The following RHEBL1 variants were observed in gnomAD, a reference collection of about 807,000 sequenced individuals.
RHEBL1 encodes the protein RHEB like 1.
Under a neutral mutation model 27.4 loss-of-function variants are expected in RHEBL1, and 22 were observed. The ratio of observed to expected loss-of-function variants is 0.80; its 90% confidence interval spans 0.57 to 1.15. RHEBL1 has a LOEUF of 1.15. RHEBL1 is among the 50% of genes most tolerant of loss of function. The pLI is 0.00. For missense variants in RHEBL1, 186 were observed against 226.5 expected (o/e 0.82, Z 1.15); for synonymous variants, 85 against 80.8 (o/e 1.05, Z -0.28).
In RHEBL1 at chr12:49,066,468, C is replaced by A. The variant is rs536373755; in HGVS notation, c.332+8G>T. On this transcript the variant is annotated splice_region_variant and intron_variant, in intron 5 of 7. Transcript: ENST00000301068. ...CACACTATGTCCCTATCCCCCAGGG[C>A]CACTTACCGGGTTTTCCCATGGCCT... 7.6e-5 allele frequency: 122 copies of A among 1,613,832 alleles called. No homozygotes were observed. In the South Asian group the frequency reaches 1.3e-3, roughly 17 times the overall value.
Position 49,069,118 on chromosome 12 carries a change from A to G in RHEBL1, c.53-12T>C. On this transcript the variant is annotated splice_polypyrimidine_tract_variant and intron_variant, in intron 1 of 7. Coordinates refer to ENST00000301068, the MANE Select transcript of RHEBL1 (RefSeq NM_144593.3). ...CAAAGATGTCTTCCCTGTGGGGAGCAGTGTGACAGTTGTATCCAAATCATC... is the reference window on the plus strand; with the variant it reads ...CAAAGATGTCTTCCCTGTGGGGAGCGGTGTGACAGTTGTATCCAAATCATC... The G allele has an allele frequency of 1.2e-6, 2 of 1,614,130 alleles. No homozygotes were observed. The highest frequency in any genetic ancestry group is 2.2e-5 in the East Asian group (1 of 44,884).
chr12:49,069,741 G>C lies in RHEBL1; in HGVS notation c.45C>G (p.Arg15=), dbSNP rs1254762185. The change falls in exon 1 of 8, where the codon CGC becomes CGG. Residue 15 remains arginine (R), a synonymous_variant. Coordinates refer to ENST00000301068, the MANE Select transcript of RHEBL1 (RefSeq NM_144593.3). ...TGCAGGGCGGAGACTCACCTACACAGCGGTATCCGAGGATGACCACCTTCC... is the reference window on the plus strand; with the variant it reads ...TGCAGGGCGGAGACTCACCTACACACCGGTATCCGAGGATGACCACCTTCC... The part of the protein sequence containing the change: ...RYRKVVILGY[R]CVGKTSLAHQ... 6.2e-7 allele frequency: 1 copy of C among 1,613,632 alleles called. No individual in the cohort carries two copies. Among genetic ancestry groups the C allele is most frequent in the African/African-American group, 1.3e-5 (1 of 74,886 alleles).
At chr12:49,065,795 C>G (rs557083122) in intron 6 of RHEBL1, among the ~76,000 whole-genome samples, 9 of 151,906 alleles carry the variant, frequency 5.9e-5, no homozygotes, top group Admixed American at 1.3e-4. Flanking sequence ...CGTGGTGGCA[C>G]GCGCCTGTAG....
At chr12:49,067,455 C>CTT (rs76065035) in intron 2 of RHEBL1, among the ~76,000 whole-genome samples, 4 of 138,796 alleles carry the variant, frequency 2.9e-5, no homozygotes, top group Admixed American at 7.3e-5. Context: ...GTCTCCTTAC[C>CTT]TTTTTTTTTT....
intron 6 of RHEBL1, 30 bp downstream of exon 6, chr12:49,066,200 CT>C: frequency 6.3e-7 from 1 of 1,598,242 alleles, no homozygotes; most frequent in Non-Finnish European, 8.6e-7. Flanking sequence ...ATTTCACTTC[CT>C]TTTGCTCTGA....
At position 49,066,720 on chromosome 12, in the gene RHEBL1, C is replaced by T. The variant is rs1939003322; in HGVS notation, c.193-19G>A. On this transcript the variant is annotated intron_variant, in intron 3 of 7. Transcript: ENST00000301068. ...ACTCATCCTGGCAAGAAATGGGAAACATCAGTACCTAGATCCAAACCACTA... is the reference window on the plus strand; with the variant it reads ...ACTCATCCTGGCAAGAAATGGGAAATATCAGTACCTAGATCCAAACCACTA... The T allele has an allele frequency of 1.9e-6, 3 of 1,606,466 alleles. No homozygotes were observed. Among genetic ancestry groups the T allele is most frequent in the Non-Finnish European group, 2.6e-6 (3 of 1,173,070 alleles).
chr12:49,068,648 T>C (rs1394590125), intron 2 of RHEBL1, among the ~76,000 whole-genome samples: 6 of 151,442 alleles, frequency 4.0e-5, no homozygotes, highest in Non-Finnish European at 8.8e-5. Context: ...GTTGGCCAGG[T>C]TGGTCTCGAA....
Position 49,066,458 on chromosome 12 carries a change from T to C in RHEBL1, c.332+18A>G. 1 of 1,611,476 alleles carries C rather than the reference T, an allele frequency of 6.2e-7. No individual in the cohort carries two copies. Among genetic ancestry groups the C allele is most frequent in the Non-Finnish European group, 8.5e-7 (1 of 1,177,664 alleles). On this transcript the variant is annotated intron_variant, in intron 5 of 7. Coordinates refer to ENST00000301068, the MANE Select transcript of RHEBL1 (RefSeq NM_144593.3). ...CCCTCATGCCCACACTATGTCCCTA[T>C]CCCCCAGGGCCACTTACCGGGTTTT... is the stretch of plus-strand genomic sequence containing the variant.
intron 2 of RHEBL1, among the ~76,000 whole-genome samples, chr12:49,067,256 C>T (rs2120759590): frequency 6.6e-6 from 1 of 152,016 alleles, no homozygotes; most frequent in East Asian, 1.9e-4. Flanking sequence ...GGACCTGCCA[C>T]CATGCCCGGC....
intron 2 of RHEBL1, among the ~76,000 whole-genome samples, chr12:49,068,459 A>G (rs766678266): frequency 2.9e-5 from 3 of 103,100 alleles, no homozygotes; most frequent in Admixed American, 1.2e-4. Context: ...TTTTTTTGAG[A>G]CAGTCTCACC....
In RHEBL1 at chr12:49,066,224, T is replaced by TAA; in HGVS notation, c.380+6_380+7insTT. ...CCTTTTGCTCTGAGTAGCAGAGATTTACATACCTCTCTGGAGAGAGATCTG... is the reference window on the plus strand; with the variant it reads ...CCTTTTGCTCTGAGTAGCAGAGATTTAAACATACCTCTCTGGAGAGAGATCTG... On this transcript the variant is annotated splice_region_variant and intron_variant, in intron 6 of 7. Transcript: ENST00000301068. The TAA allele has an allele frequency of 6.2e-7, 1 of 1,612,772 alleles. No individual in the cohort carries two copies.
chr12:49,069,139 TCATC>T, intron 1 of RHEBL1, 33 bp from the exon 2 acceptor site: 1 of 1,614,032 alleles, frequency 6.2e-7, no homozygotes, highest in Non-Finnish European at 8.5e-7. Flanking sequence ...TGTATCCAAA[TCATC>T]CATCCACATT....
intron 3 of RHEBL1, 78 bp downstream of exon 3, chr12:49,066,890 G>A (rs191114613): frequency 1.2e-5 from 15 of 1,254,224 alleles, no homozygotes; most frequent in Admixed American, 6.8e-5. Context: ...ACTACTTTAC[G>A]GATGAGCCAC....
intron 3 of RHEBL1, 86 bp from the exon 4 acceptor site, chr12:49,066,787 C>A: frequency 7.8e-7 from 1 of 1,278,170 alleles, no homozygotes; most frequent in Non-Finnish European, 1.1e-6. Context: ...GTGACCCTCC[C>A]TGGGGCACGC....
At position 49,069,817 on chromosome 12, in the gene RHEBL1, T is replaced by G; in HGVS notation, c.-32A>C. ...AGCCCGCCCCAGGGGCTTGCGGAAC[T>G]GCGGGCTCAGAGAGCCCGAAAACGA... is the stretch of plus-strand genomic sequence containing the variant. On this transcript the variant is annotated 5_prime_UTR_variant, in exon 1 of 8. Transcript: ENST00000301068. 2 of 1,608,710 alleles carry G rather than the reference T, an allele frequency of 1.2e-6. No homozygotes were observed. Among genetic ancestry groups the G allele is most frequent in the Non-Finnish European group, 1.7e-6 (2 of 1,175,896 alleles).
In RHEBL1 at chr12:49,069,864, G is replaced by C. The variant is rs1244266683; in HGVS notation, c.-79C>G. 1 of 1,294,418 alleles carries C rather than the reference G, an allele frequency of 7.7e-7. No individual in the cohort carries two copies. Among genetic ancestry groups the C allele is most frequent in the Non-Finnish European group, 1.1e-6 (1 of 898,768 alleles). The allele number at this position is 1,294,418 out of a possible 1,614,324, so 80.2% of individuals were successfully genotyped here. A position where few individuals can be genotyped will look rare whatever the true frequency, so the allele number is the denominator to read the frequency against. On this transcript the variant is annotated 5_prime_UTR_variant, in exon 1 of 8. Coordinates refer to ENST00000301068, the MANE Select transcript of RHEBL1 (RefSeq NM_144593.3). ...ACGAGGTCAGGGTGTGAGCAGGCGC[G>C]GCAGCTGGTGCAGGAAAGTCGCTCA...
intron 2 of RHEBL1, among the ~76,000 whole-genome samples, chr12:49,068,234 A>G (rs1939030408): frequency 6.6e-6 from 1 of 151,380 alleles, no homozygotes; most frequent in African/African-American, 2.4e-5. Context: ...GGTTCAAGCA[A>G]TTCTCCTGCC....
In RHEBL1 at chr12:49,069,174, A is replaced by C. The variant is rs1939046719; in HGVS notation, c.53-68T>G. ...ACATTCACATCCTCTGTCCTTTCGGACTGTGGCCCAGGACCAAAGGAGACC... is the reference window on the plus strand; with the variant it reads ...ACATTCACATCCTCTGTCCTTTCGGCCTGTGGCCCAGGACCAAAGGAGACC... On this transcript the variant is annotated intron_variant, in intron 1 of 7. Coordinates refer to ENST00000301068, the MANE Select transcript of RHEBL1 (RefSeq NM_144593.3). 3 of 1,612,606 alleles carry C rather than the reference A, an allele frequency of 1.9e-6. No homozygotes were observed. In the East Asian group the frequency reaches 6.7e-5, roughly 36 times the overall value.
Position 49,064,930 on chromosome 12 carries a change from C to T in RHEBL1, c.*173G>A, listed in dbSNP as rs929014205. 2 of 605,574 alleles carry T rather than the reference C, an allele frequency of 3.3e-6. No individual in the cohort carries two copies. The highest frequency in any genetic ancestry group is 3.7e-5 in the African/African-American group (2 of 54,068). 37.5% of individuals were successfully genotyped at this position (605,574 alleles called of 1,614,324 possible). A position where few individuals can be genotyped will look rare whatever the true frequency, so the allele number is the denominator to read the frequency against. ...CTTGCCCCTTTGTAAACATTGACAT[C>T]CAGGCCACTGGAGCCTGGGGAAAGT... On this transcript the variant is annotated 3_prime_UTR_variant, in exon 8 of 8. Transcript: ENST00000301068.
Sources: gnomAD v4.1 joint callset for allele counts (sites outside exome capture counted in the v4.1 genomes callset) on GRCh38, gnomAD v4.1.1 for gene constraint, MANE v1.5 for transcripts, NCBI Gene and HGNC (gene_info 2026-07-23, HGNC 2026-07-21) for gene names.